CC2D2B: variants seen among roughly 807,000 people sequenced by gnomAD.
The protein encoded by CC2D2B is coiled-coil and C2 domain containing 2B.
In CC2D2B, 128 loss-of-function variants were observed where a neutral mutation model predicts 161.2. That is an observed-to-expected ratio of 0.79 (90% CI 0.69 to 0.92). The LOEUF (loss-of-function observed/expected upper bound fraction) is 0.92. CC2D2B is among the 40% of genes least tolerant of loss of function. The probability of loss-of-function intolerance (pLI) is 0.00; values close to 1 mark genes in which losing one functional copy is unlikely to be tolerated. For missense variants in CC2D2B, 1,173 were observed against 1,375.1 expected (o/e 0.85, Z 2.32); for synonymous variants, 391 against 449.8 (o/e 0.87, Z 1.65).
intron 5 of CC2D2B, among the ~76,000 whole-genome samples, chr10:95,926,848 C>CTGTGTCTGTGTGTG (rs2098540000): frequency 1.2e-4 from 13 of 106,902 alleles, no homozygotes; most frequent in Admixed American, 2.7e-4. Context: ...GTGTGTGTGT[C>CTGTGTCTGTGTGTG]TGTGTGTGTG....
intron 30 of CC2D2B, chr10:96,018,977 A>T (rs909252522): frequency 2.2e-4 from 74 of 343,722 alleles, no homozygotes; most frequent in African/African-American, 1.2e-3. Context: ...TTAAAAAAAA[A>T]ATTTTTTGTG....
In CC2D2B at chr10:96,024,974, A is replaced by C. The variant is rs568116993; in HGVS notation, c.3947+63A>C. 48 of 900,748 alleles carry C rather than the reference A, an allele frequency of 5.3e-5. No individual in the cohort carries two copies. The African/African-American group carries it at 8.1e-4, about 15-fold the overall frequency. 55.8% of individuals were successfully genotyped at this position (900,748 alleles called of 1,614,324 possible). On this transcript the variant is annotated intron_variant, in intron 33 of 34. Transcript: ENST00000646931. ...TTCAGTCTTCTGACCCATCCATTCA[A>C]AATACCTGCTAGATCAGCAACAGAA... is the stretch of plus-strand genomic sequence containing the variant.
At position 96,001,833 on chromosome 10, in the gene CC2D2B, C is replaced by T. The variant is rs189251772; in HGVS notation, c.2850-2319C>T. 4.5e-3 allele frequency among the ~76,000 whole-genome samples: 684 copies of T among 152,260 alleles called. 1 individual carries two copies. Among genetic ancestry groups the T allele is most frequent in the Non-Finnish European group, 7.4e-3 (504 of 68,016 alleles). ...AACAGATATTCTTGTTATTTGGCTGCCTGTCTGAATCTTGTACCTCTCACT... is the reference window on the plus strand; with the variant it reads ...AACAGATATTCTTGTTATTTGGCTGTCTGTCTGAATCTTGTACCTCTCACT... On this transcript the variant is annotated intron_variant, in intron 24 of 34. Transcript: ENST00000646931.
At chr10:96,016,540 T>C (rs1481583833) in intron 30 of CC2D2B, among the ~76,000 whole-genome samples, 1 of 152,188 alleles carries the variant, frequency 6.6e-6, no homozygotes, top group Non-Finnish European at 1.5e-5. Flanking sequence ...GTACTAAAAA[T>C]AGTGCTACAT....
Position 96,033,096 on chromosome 10 carries a change from C to T in CC2D2B, c.*1088C>T, listed in dbSNP as rs1474413774. ...GGAGTATGGATTTCCAAAGGTTGAC[C>T]AGAGCAGTTTTGTATGAGGTAAAGA... On this transcript the variant is annotated 3_prime_UTR_variant, in exon 35 of 35. Coordinates refer to ENST00000646931, the MANE Select transcript of CC2D2B (RefSeq NM_001349008.3). Among the ~76,000 whole-genome samples the T allele has an allele frequency of 6.6e-6, 1 of 152,008 alleles. No homozygotes were observed. The highest frequency in any genetic ancestry group is 1.5e-5 in the Non-Finnish European group (1 of 67,990).
At chr10:95,911,597 A>G (rs578245572) in intron 2 of CC2D2B, among the ~76,000 whole-genome samples, 3 of 152,146 alleles carry the variant, frequency 2.0e-5, no homozygotes, top group South Asian at 2.1e-4. Flanking sequence ...TTCAATATCT[A>G]TTTGTTTATA....
intron 6 of CC2D2B, among the ~76,000 whole-genome samples, chr10:95,930,663 G>C (rs888827131): frequency 1.3e-5 from 2 of 152,110 alleles, no homozygotes; most frequent in Non-Finnish European, 2.9e-5. Context: ...TTTTGTCATT[G>C]GTTCTGTTTA....
chr10:95,987,833 A>T (rs1284460544), intron 19 of CC2D2B, among the ~76,000 whole-genome samples: 1 of 152,204 alleles, frequency 6.6e-6, no homozygotes, highest in Admixed American at 6.5e-5. Flanking sequence ...CAAACTGCAC[A>T]GTTAGTAAAT....
chr10:95,919,997 C>G (rs977811193), intron 2 of CC2D2B: 2 of 151,400 alleles, frequency 1.3e-5, no homozygotes, highest in Non-Finnish European at 2.9e-5. Flanking sequence ...TATTCAAGGC[C>G]CAAGGGGTTT....
At chr10:95,912,894 A>C in intron 2 of CC2D2B, among the ~76,000 whole-genome samples, 1 of 152,178 alleles carries the variant, frequency 6.6e-6, no homozygotes, top group East Asian at 1.9e-4. Flanking sequence ...CAGGCATACC[A>C]TGTGTAATAA....
chr10:95,922,614 T>C (rs900945380), intron 3 of CC2D2B, among the ~76,000 whole-genome samples: 2 of 152,208 alleles, frequency 1.3e-5, no homozygotes, highest in African/African-American at 4.8e-5. Context: ...TACAAACTTC[T>C]ATGTAACCTT....
intron 32 of CC2D2B, chr10:96,021,180 AAT>A (rs1271471566): frequency 6.6e-6 from 1 of 152,272 alleles, no homozygotes; most frequent in Non-Finnish European, 1.5e-5. Flanking sequence ...TTTGGAAAAC[AAT>A]ATGTTGATAA....
chr10:95,918,045 G>C (rs1210067744), intron 2 of CC2D2B, among the ~76,000 whole-genome samples: 1 of 152,104 alleles, frequency 6.6e-6, no homozygotes, highest in Admixed American at 6.6e-5. Context: ...CCAAAGTGCT[G>C]GGATTACAGG....
intron 28 of CC2D2B, among the ~76,000 whole-genome samples, chr10:96,012,979 A>G (rs1488168827): frequency 6.6e-6 from 1 of 152,208 alleles, no homozygotes; most frequent in Non-Finnish European, 1.5e-5. Context: ...CCTGACACCC[A>G]ATATCCAAGG....
intron 24 of CC2D2B, among the ~76,000 whole-genome samples, chr10:95,999,415 T>C (rs1360822011): frequency 6.6e-6 from 1 of 152,228 alleles, no homozygotes; most frequent in East Asian, 1.9e-4. Flanking sequence ...TATTTTCTTT[T>C]CTGTGAAATG....
intron 24 of CC2D2B, among the ~76,000 whole-genome samples, chr10:96,003,198 AT>A (rs1280020895): frequency 1.3e-5 from 2 of 151,988 alleles, no homozygotes; most frequent in African/African-American, 4.8e-5. Context: ...CAGGATTGAG[AT>A]TTCCATCACT....
chr10:95,987,313 G>A (rs1008572140), intron 19 of CC2D2B, among the ~76,000 whole-genome samples: 20 of 151,102 alleles, frequency 1.3e-4, no homozygotes, highest in Admixed American at 8.0e-4. Flanking sequence ...GACAGAGTGA[G>A]ACTCTGTCTC....
intron 15 of CC2D2B, among the ~76,000 whole-genome samples, chr10:95,970,870 C>G (rs1481324153): frequency 6.6e-6 from 1 of 152,212 alleles, no homozygotes; most frequent in Non-Finnish European, 1.5e-5. Context: ...GTCTTAAATT[C>G]TCTCTTACAA....
Position 96,024,813 on chromosome 10 carries a change from G to T in CC2D2B, c.3889-40G>T. On this transcript the variant is annotated intron_variant, in intron 32 of 34. Transcript: ENST00000646931. ...CCAGGAGTGACTGTGATGTAAACAT[G>T]GTCTCTAGAATCTATTCTAACTTTG... is the stretch of plus-strand genomic sequence containing the variant. 2.5e-6 allele frequency: 3 copies of T among 1,180,606 alleles called. No homozygotes were observed. The South Asian group carries it at 4.0e-5, about 16-fold the overall frequency. The allele number at this position is 1,180,606 out of a possible 1,614,324, so 73.1% of individuals were successfully genotyped here. A position where few individuals can be genotyped will look rare whatever the true frequency, so the allele number is the denominator to read the frequency against.
Sources: allele counts gnomAD v4.1 joint callset (sites outside exome capture counted in the v4.1 genomes callset), GRCh38; gene constraint gnomAD v4.1.1; transcripts MANE v1.5; gene names NCBI Gene and HGNC (gene_info 2026-07-23, HGNC 2026-07-21).